The following SMAD1 variants were observed in gnomAD, a reference collection of about 807,000 sequenced individuals.
SMAD1 encodes the protein SMAD family member 1.
A neutral mutation model predicts 41.6 loss-of-function variants in SMAD1; 6 were observed. The ratio of observed to expected loss-of-function variants is 0.14; its 90% CI spans 0.08 to 0.28. The LOEUF is 0.28. Among genes scored for constraint, SMAD1 ranks in the 10% least tolerant of loss-of-function variants. SMAD1 has a pLI of 1.00. For missense variants in SMAD1, 379 were observed against 582.6 expected, an observed-to-expected ratio of 0.65 and a Z score of 3.60; for synonymous variants, 206 against 203.2, an observed-to-expected ratio of 1.01 and a Z score of -0.12.
chr4:145,551,875 C>T (rs998493116), intron 5 of SMAD1, among the ~76,000 whole-genome samples: 2 of 152,148 alleles, frequency 1.3e-5, no homozygotes, highest in African/African-American at 4.8e-5. Context: ...AATTTAACTT[C>T]CAGGAATCTC....
intron 1 of SMAD1, among the ~76,000 whole-genome samples, chr4:145,504,592 T>C (rs1729660507): frequency 6.6e-6 from 1 of 152,214 alleles, no homozygotes; most frequent in African/African-American, 2.4e-5. Context: ...TACTGTTTTT[T>C]AGGGGTACTA....
chr4:145,495,849 A>G (rs933546983), intron 1 of SMAD1, among the ~76,000 whole-genome samples: 27 of 151,086 alleles, frequency 1.8e-4, no homozygotes, highest in African/African-American at 5.9e-4. Flanking sequence ...GCCTCAAGCA[A>G]TCTTTCCACC....
chr4:145,509,355 T>G (rs1413100626), intron 1 of SMAD1, among the ~76,000 whole-genome samples: 2 of 152,220 alleles, frequency 1.3e-5, no homozygotes, highest in Non-Finnish European at 2.9e-5. Context: ...TAGCAGGTGC[T>G]TAATACAGCT....
At chr4:145,486,351 T>C (rs1210739338) in intron 1 of SMAD1, among the ~76,000 whole-genome samples, 1 of 152,218 alleles carries the variant, frequency 6.6e-6, no homozygotes, top group Non-Finnish European at 1.5e-5. Context: ...CAAACTGATA[T>C]TAAGTTAGGA....
chr4:145,494,013 G>GT (rs1728918681), intron 1 of SMAD1, among the ~76,000 whole-genome samples: 1 of 152,194 alleles, frequency 6.6e-6, no homozygotes, highest in Non-Finnish European at 1.5e-5. Context: ...CCAGGCTGGA[G>GT]TGCAGTGGCG....
chr4:145,534,387 TAAAA>T (rs1731492677), intron 2 of SMAD1, among the ~76,000 whole-genome samples: 1 of 152,192 alleles, frequency 6.6e-6, no homozygotes, highest in Non-Finnish European at 1.5e-5. Context: ...GTGACCTCAA[TAAAA>T]GTATTAATAA....
chr4:145,516,298 T>C (rs373069576), intron 2 of SMAD1, among the ~76,000 whole-genome samples: 5 of 152,242 alleles, frequency 3.3e-5, no homozygotes, highest in African/African-American at 1.2e-4. Flanking sequence ...GTACAACTTA[T>C]GTTCATCCAA....
rs1308070647 is a variant in SMAD1 at position 145,557,940 on chromosome 4, C to T, written c.*6C>T. 6.3e-7 allele frequency: 1 copy of T among 1,594,222 alleles called. No homozygotes were observed. Among genetic ancestry groups the T allele is most frequent in the South Asian group, 1.1e-5 (1 of 87,086 alleles). On this transcript the variant is annotated 3_prime_UTR_variant, in exon 7 of 7. Transcript: ENST00000302085. Reference sequence around the variant, plus strand: ...CTATTTCATCTGTATCTTAAATGGCCCCAGGCATCTGCCTCTGGAAAACTA... The same window carrying T: ...CTATTTCATCTGTATCTTAAATGGCTCCAGGCATCTGCCTCTGGAAAACTA...
chr4:145,491,457 A>G (rs1163513345), intron 1 of SMAD1, among the ~76,000 whole-genome samples: 1 of 152,210 alleles, frequency 6.6e-6, no homozygotes. Flanking sequence ...AGTACAAACT[A>G]CTAATGAACA....
At chr4:145,491,531 C>T (rs571312583) in intron 1 of SMAD1, among the ~76,000 whole-genome samples, 3 of 152,244 alleles carry the variant, frequency 2.0e-5, no homozygotes, top group African/African-American at 7.2e-5. Context: ...CTTCCTTTTT[C>T]CTGTATTTTG....
At chr4:145,523,981 CCTCAAA>C (rs1730895963) in intron 2 of SMAD1, among the ~76,000 whole-genome samples, 1 of 152,106 alleles carries the variant, frequency 6.6e-6, no homozygotes, top group Non-Finnish European at 1.5e-5. Flanking sequence ...CTCACTGCAG[CCTCAAA>C]CTCCTGACTT....
At chr4:145,526,470 T>C (rs1030491905) in intron 2 of SMAD1, among the ~76,000 whole-genome samples, 1 of 152,238 alleles carries the variant, frequency 6.6e-6, no homozygotes, top group African/African-American at 2.4e-5. Context: ...TGGATAAATG[T>C]CTATTCACAT....
rs1730237952 is a variant in SMAD1, at chr4:145,514,004, C to T, written c.-176-434C>T. Reference sequence around the variant, plus strand: ...TAATAAAATATCATAGACTGGGTGGCTTAAATAACAGAAATAGATTTTCTC... The same window carrying T: ...TAATAAAATATCATAGACTGGGTGGTTTAAATAACAGAAATAGATTTTCTC... On this transcript the variant is annotated intron_variant, in intron 1 of 6. Coordinates refer to ENST00000302085, the MANE Select transcript of SMAD1 (RefSeq NM_005900.3). This position sits in a 1 kb window ranked among gnomAD's most constrained non-coding sequence, Gnocchi z 4.7. Among the ~76,000 whole-genome samples the T allele has an allele frequency of 6.6e-6, 1 of 152,156 alleles. No individual in the cohort carries two copies. The highest frequency in any genetic ancestry group is 1.5e-5 in the Non-Finnish European group (1 of 68,042).
At chr4:145,540,900 A>G (rs138880267) in intron 3 of SMAD1, among the ~76,000 whole-genome samples, 7 of 152,290 alleles carry the variant, frequency 4.6e-5, no homozygotes, top group African/African-American at 1.4e-4. Context: ...TTTGAATTCA[A>G]CATCAGTGCT....
intron 5 of SMAD1, 145 bp from the exon 6 acceptor site, chr4:145,553,639 C>G: frequency 2.8e-6 from 2 of 726,578 alleles, no homozygotes; most frequent in Non-Finnish European, 4.6e-6. Context: ...TTGGGAACTC[C>G]TGTTGTACAG....
chr4:145,512,278 A>T (rs1201467460), intron 1 of SMAD1, among the ~76,000 whole-genome samples: 1 of 152,218 alleles, frequency 6.6e-6, no homozygotes, highest in Non-Finnish European at 1.5e-5. Flanking sequence ...ATGTATGGTT[A>T]GATGTCTGTT....
intron 2 of SMAD1, among the ~76,000 whole-genome samples, chr4:145,522,810 G>C (rs946644506): frequency 6.6e-6 from 1 of 151,866 alleles, no homozygotes; most frequent in African/African-American, 2.4e-5. Flanking sequence ...CTCCTCAGTA[G>C]CTGGGATTAC....
chr4:145,500,251 G>A (rs1729352101), intron 1 of SMAD1, among the ~76,000 whole-genome samples: 1 of 152,090 alleles, frequency 6.6e-6, no homozygotes, highest in South Asian at 2.1e-4. Context: ...TAAACTCTAA[G>A]TTGGATGATG....
At chr4:145,507,175 G>GT (rs573136214) in intron 1 of SMAD1, among the ~76,000 whole-genome samples, 10,021 of 141,590 alleles carry the variant, frequency 0.071, 352 homozygotes, top group South Asian at 0.088. Context: ...ATTTTTGTGG[G>GT]TTTTTTTTTT....
Sources: allele counts gnomAD v4.1 joint callset (sites outside exome capture counted in the v4.1 genomes callset), GRCh38; gene constraint gnomAD v4.1.1; non-coding constraint Gnocchi (gnomAD v3.1); transcripts MANE v1.5; gene names NCBI Gene and HGNC (gene_info 2026-07-23, HGNC 2026-07-21).